CLSTN1: variants seen among roughly 807,000 people sequenced by gnomAD.
CLSTN1 encodes the protein calsyntenin 1, also known as calsyntenin-1.
Under a neutral mutation model 108.3 loss-of-function variants are expected in CLSTN1, and 28 were observed. That is an observed-to-expected ratio of 0.26 (90% confidence interval 0.19 to 0.35). CLSTN1 has a LOEUF of 0.35. CLSTN1 is among the 10% of genes least tolerant of loss of function. CLSTN1 has a pLI of 1.00. For synonymous variants in CLSTN1, 524 were observed against 534.9 expected (o/e 0.98, Z 0.28); for missense variants, 1,157 against 1,302.6 (o/e 0.89, Z 1.72).
chr1:9,811,445 G>C (rs1402329077), intron 1 of CLSTN1, among the ~76,000 whole-genome samples: 1 of 152,130 alleles, frequency 6.6e-6, no homozygotes, highest in Non-Finnish European at 1.5e-5. Context: ...TCATGAGCTG[G>C]TATCAATGGA....
chr1:9,744,028 T>C (rs765752618), intron 8 of CLSTN1, 23 bp from the exon 9 acceptor site: 1 of 1,606,526 alleles, frequency 6.2e-7, no homozygotes, highest in Non-Finnish European at 8.5e-7. Context: ...TTTCTATGGG[T>C]AAATTGCCAA....
chr1:9,766,476 G>A (rs1251106923), intron 2 of CLSTN1, among the ~76,000 whole-genome samples: 1 of 152,190 alleles, frequency 6.6e-6, no homozygotes, highest in Non-Finnish European at 1.5e-5. Flanking sequence ...TGGCCAACAT[G>A]GTGAAACCCC....
chr1:9,804,681 C>T (rs1654431134), intron 1 of CLSTN1, among the ~76,000 whole-genome samples: 1 of 152,030 alleles, frequency 6.6e-6, no homozygotes. Flanking sequence ...CCCGTCTCTA[C>T]AAAAAATACA....
At chr1:9,744,769 T>G in intron 7 of CLSTN1, 126 bp from the exon 8 acceptor site, 1 of 1,160,416 alleles carries the variant, frequency 8.6e-7, no homozygotes, top group Non-Finnish European at 1.2e-6. Context: ...TTTTTTTTTC[T>G]TTCGAGACAG....
rs774138520 is a variant in CLSTN1, at chr1:9,734,044, C to T, written c.2209G>A (p.Glu737Lys). ...TGCTGCAGGCGGGCCATGTCCACCT[C>T]CAGGCTCTCCTGCTCGTGGTTCAGC... ...EELNHEQESL[E>K]VDMARLQQKG... The change falls in exon 15 of 19, where the codon GAG (glutamate) becomes AAG (lysine). Residue 737 changes from glutamate (E) to lysine (K), a missense_variant. By Grantham distance (56) the Glu-to-Lys change is moderately conservative. Transcript: ENST00000377298. The surrounding 1 kb of genome is among the most constrained non-coding windows in gnomAD (Gnocchi z 4.8). The T allele has an allele frequency of 1.9e-6, 3 of 1,614,096 alleles. No homozygotes were observed. The highest frequency in any genetic ancestry group is 2.2e-5 in the East Asian group (1 of 44,880).
rs745647810 is a variant in CLSTN1, at chr1:9,735,011, G to T, written c.2047C>A (p.Arg683Ser). The T allele has an allele frequency of 2.5e-6, 4 of 1,614,202 alleles. No homozygotes were observed. The South Asian group carries it at 4.4e-5, about 18-fold the overall frequency. The change falls in exon 14 of 19, where the codon CGC becomes AGC. Residue 683 changes from arginine (R) to serine (S), a missense_variant. By Grantham distance (110) the Arg-to-Ser change is moderately radical (BLOSUM62 -1). Transcript: ENST00000377298. ...SEGVFLFPEL[R>S]IISTITREVE... is the part of the protein sequence containing the mutation. ...TCTCTCGTGATGGTGCTGATGATGC[G>T]AAGCTCAGGGAAAAGGAACACCCCT...
chr1:9,746,057 C>T (rs1439695577), intron 7 of CLSTN1, among the ~76,000 whole-genome samples: 7 of 152,020 alleles, frequency 4.6e-5, no homozygotes, highest in African/African-American at 1.4e-4. Flanking sequence ...TGTGAGCCAC[C>T]GCGCTCGGCC....
At chr1:9,814,799 T>G (rs998565764) in intron 1 of CLSTN1, among the ~76,000 whole-genome samples, 16 of 151,584 alleles carry the variant, frequency 1.1e-4, no homozygotes, top group Non-Finnish European at 2.9e-5. Context: ...CTCAGGAGGC[T>G]GAGGTGGAAG....
At chr1:9,794,000 C>T (rs940485883) in intron 1 of CLSTN1, among the ~76,000 whole-genome samples, 1 of 151,426 alleles carries the variant, frequency 6.6e-6, no homozygotes, top group African/African-American at 2.4e-5. Flanking sequence ...GCTCCAACTT[C>T]CCGTTTCTTC....
intron 2 of CLSTN1, among the ~76,000 whole-genome samples, chr1:9,770,260 A>T (rs1478661539): frequency 1.3e-5 from 2 of 152,210 alleles, no homozygotes; most frequent in Non-Finnish European, 2.9e-5. Context: ...ATTTTTGTAC[A>T]TCAGTAAAAA....
chr1:9,738,938 C>T (rs919178314), intron 10 of CLSTN1, among the ~76,000 whole-genome samples: 2 of 152,184 alleles, frequency 1.3e-5, no homozygotes, highest in Admixed American at 1.3e-4. Flanking sequence ...AGGTGTGAGC[C>T]ACTGCGCACG....
intron 1 of CLSTN1, among the ~76,000 whole-genome samples, chr1:9,814,064 T>C (rs1361980576): frequency 6.6e-6 from 1 of 151,240 alleles, no homozygotes; most frequent in Non-Finnish European, 1.5e-5. Flanking sequence ...ATCACGCCAT[T>C]GCACACCAGC....
intron 2 of CLSTN1, among the ~76,000 whole-genome samples, chr1:9,764,127 A>G (rs1020231852): frequency 4.6e-5 from 7 of 150,924 alleles, no homozygotes; most frequent in South Asian, 2.1e-4. Context: ...AGAGAGAGAG[A>G]GAGGGAGAGA....
chr1:9,752,722 T>C (rs1244733235), intron 4 of CLSTN1, among the ~76,000 whole-genome samples: 4 of 151,698 alleles, frequency 2.6e-5, no homozygotes, highest in African/African-American at 9.7e-5. Flanking sequence ...ATTAGCCAGG[T>C]GTGGTGGAGC....
At chr1:9,750,027 G>A in intron 5 of CLSTN1, 114 bp from the exon 6 acceptor site, 2 of 813,936 alleles carry the variant, frequency 2.5e-6, no homozygotes, top group Non-Finnish European at 3.9e-6. Context: ...TACTCAGCCA[G>A]AAATAAACAT....
chr1:9,736,705 A>C (rs917913517), intron 11 of CLSTN1, among the ~76,000 whole-genome samples: 1 of 152,194 alleles, frequency 6.6e-6, no homozygotes, highest in African/African-American at 2.4e-5. Context: ...AAAAGGGACA[A>C]ATTTTCAGCA....
Position 9,823,429 on chromosome 1 carries a change from T to G in CLSTN1, c.91+214A>C, listed in dbSNP as rs1291370721. 6.6e-6 allele frequency among the ~76,000 whole-genome samples: 1 copy of G among 151,916 alleles called. No individual in the cohort carries two copies. The highest frequency in any genetic ancestry group is 1.5e-5 in the Non-Finnish European group (1 of 67,942). On this transcript the variant is annotated intron_variant, in intron 1 of 18. Coordinates refer to ENST00000377298, the MANE Select transcript of CLSTN1 (RefSeq NM_001009566.3). This position sits in a 1 kb window ranked among gnomAD's most constrained non-coding sequence, Gnocchi z 6.3. The stretch of plus-strand genomic sequence containing the variant: ...CGCGCGCCCACAGTCTCCTGCGCCC[T>G]GGCCCCGGCTCCGCGAGCCCGACCC...
chr1:9,806,770 T>C (rs1654526601), intron 1 of CLSTN1, among the ~76,000 whole-genome samples: 1 of 151,886 alleles, frequency 6.6e-6, no homozygotes, highest in Non-Finnish European at 1.5e-5. Context: ...TCCCAGCTAC[T>C]CGGGAGGCTG....
At chr1:9,794,196 C>T (rs1335156621) in intron 1 of CLSTN1, among the ~76,000 whole-genome samples, 1 of 151,498 alleles carries the variant, frequency 6.6e-6, no homozygotes, top group African/African-American at 2.4e-5. Flanking sequence ...GAGCCCTGAG[C>T]TTTCTTCAGT....
Sources: allele counts gnomAD v4.1 joint callset (sites outside exome capture counted in the v4.1 genomes callset), GRCh38; gene constraint gnomAD v4.1.1; non-coding constraint Gnocchi (gnomAD v3.1); transcripts MANE v1.5; gene names NCBI Gene and HGNC (gene_info 2026-07-23, HGNC 2026-07-21).